The following TULP4 variants were observed in gnomAD, a reference collection of about 807,000 sequenced individuals.
TULP4 encodes the protein TUB like protein 4.
TULP4 carries 16 observed loss-of-function variants against 129.0 expected under a neutral mutation model. That is an observed-to-expected ratio of 0.12 (90% CI 0.08 to 0.19). The LOEUF is 0.19. TULP4 is among the 10% of genes least tolerant of loss of function. The pLI is 1.00. For missense variants in TULP4, 1,842 were observed against 2,059.1 expected, an observed-to-expected ratio of 0.89 and a Z score of 2.04; for synonymous variants, 998 against 854.0, an observed-to-expected ratio of 1.17 and a Z score of -2.94.
chr6:158,420,464 G>C (rs1450856158), intron 2 of TULP4, among the ~76,000 whole-genome samples: 1 of 152,158 alleles, frequency 6.6e-6, no homozygotes, highest in Non-Finnish European at 1.5e-5. Flanking sequence ...GACGAGATAA[G>C]AGATCCCTGT....
intron 1 of TULP4, among the ~76,000 whole-genome samples, chr6:158,256,642 T>C (rs1028096375): frequency 1.3e-5 from 2 of 152,226 alleles, no homozygotes; most frequent in Admixed American, 1.3e-4. Flanking sequence ...CTTATACATA[T>C]GGATATATTA....
At chr6:158,335,101 C>T (rs1780001923) in intron 1 of TULP4, among the ~76,000 whole-genome samples, 1 of 151,912 alleles carries the variant, frequency 6.6e-6, no homozygotes, top group Non-Finnish European at 1.5e-5. Flanking sequence ...CATGGTGAAA[C>T]CCGGTCTCTA....
chr6:158,366,554 G>T (rs1422078058), intron 1 of TULP4, among the ~76,000 whole-genome samples: 4 of 152,212 alleles, frequency 2.6e-5, no homozygotes, highest in Admixed American at 2.6e-4. Flanking sequence ...CATACTCGGA[G>T]CCATTTGCCT....
In TULP4 at chr6:158,503,437, C is replaced by T. The variant is rs762126340; in HGVS notation, c.3774C>T (p.Val1258=). 5.6e-5 allele frequency: 91 copies of T among 1,613,926 alleles called. No individual in the cohort carries two copies. Among genetic ancestry groups the T allele is most frequent in the Non-Finnish European group, 6.9e-5 (81 of 1,180,036 alleles). The stretch of plus-strand genomic sequence containing the variant: ...GCTCTAGTTTACAGCTGCCACCTGT[C>T]GCCTTGCATCCATGGAGTTCCTACA... The part of the protein sequence containing the change: ...STCSSLQLPP[V]ALHPWSSYSA... Residue 1258 remains valine, a synonymous_variant, in exon 13 of 14, where the codon GTC becomes GTT. Transcript: ENST00000367097. The surrounding 1 kb of genome is among the most constrained non-coding windows in gnomAD (Gnocchi z 4.3).
intron 6 of TULP4, among the ~76,000 whole-genome samples, chr6:158,470,119 C>A (rs1336775533): frequency 1.3e-5 from 2 of 152,190 alleles, no homozygotes; most frequent in East Asian, 1.9e-4. Context: ...AGTCACTTAG[C>A]CGTGCAGGAA....
At chr6:158,274,932 T>C (rs1778616796) in intron 1 of TULP4, among the ~76,000 whole-genome samples, 1 of 152,258 alleles carries the variant, frequency 6.6e-6, no homozygotes, top group South Asian at 2.1e-4. Flanking sequence ...CTTTCCTGCC[T>C]CTTGTTAGCC....
At chr6:158,343,213 T>C (rs545192429) in intron 1 of TULP4, among the ~76,000 whole-genome samples, 1 of 152,278 alleles carries the variant, frequency 6.6e-6, no homozygotes, top group African/African-American at 2.4e-5. Flanking sequence ...AGGTTTGCTG[T>C]AGTTCCTGTC....
chr6:158,349,200 C>T (rs537764404), intron 1 of TULP4, among the ~76,000 whole-genome samples: 15 of 147,232 alleles, frequency 1.0e-4, no homozygotes, highest in Non-Finnish European at 6.1e-5. Flanking sequence ...GCGCTCCTCA[C>T]CTCTCAGACG....
chr6:158,407,002 T>C (rs967928303), intron 1 of TULP4, among the ~76,000 whole-genome samples: 1 of 152,224 alleles, frequency 6.6e-6, no homozygotes, highest in African/African-American at 2.4e-5. Flanking sequence ...TCCTGTATTA[T>C]CTCTAGGCCA....
intron 1 of TULP4, among the ~76,000 whole-genome samples, chr6:158,411,385 G>T (rs553645012): frequency 3.9e-5 from 6 of 152,170 alleles, no homozygotes; most frequent in Non-Finnish European, 7.3e-5. Flanking sequence ...GCTATGACTA[G>T]AGCAAGGAAG....
At chr6:158,467,277 C>G in intron 6 of TULP4, among the ~76,000 whole-genome samples, 2 of 140,942 alleles carry the variant, frequency 1.4e-5, no homozygotes, top group Admixed American at 1.4e-4. Context: ...CTTTCCCTTT[C>G]TTTTTTTTTT....
chr6:158,234,343 A>G (rs12199358), intron 1 of TULP4, among the ~76,000 whole-genome samples: 53,281 of 151,732 alleles, frequency 0.35, 9,781 homozygotes, highest in East Asian at 0.53. Flanking sequence ...GTAATGGAAG[A>G]GTCAAGAGAC....
At chr6:158,481,660 C>A in intron 8 of TULP4, 1 of 264,984 alleles carries the variant, frequency 3.8e-6, no homozygotes, top group Non-Finnish European at 7.4e-6. Context: ...AAGATACAGT[C>A]CCTACCCTCC....
Position 158,463,665 on chromosome 6 carries a change from TATAA to T in TULP4, c.1026+1938_1026+1941del, listed in dbSNP as rs1419504509. On this transcript the variant is annotated intron_variant, in intron 6 of 13. Coordinates refer to ENST00000367097, the MANE Select transcript of TULP4 (RefSeq NM_020245.5). ...TATAATAAAAATATATATATATATATATAAAAAGAAAAAATAAATGGAATAGACT... is the reference window on the plus strand; with the variant it reads ...TATAATAAAAATATATATATATATATAAAGAAAAAATAAATGGAATAGACT... 4.3e-5 allele frequency among the ~76,000 whole-genome samples: 5 copies of T among 116,956 alleles called. No homozygotes were observed. The East Asian group carries it at 9.4e-4, about 22-fold the overall frequency. 76.7% of individuals were successfully genotyped at this position (116,956 alleles called of 152,430 possible).
intron 1 of TULP4, among the ~76,000 whole-genome samples, chr6:158,370,846 G>A (rs1777055442): frequency 6.6e-6 from 1 of 152,192 alleles, no homozygotes; most frequent in South Asian, 2.1e-4. Flanking sequence ...TCTGACATTA[G>A]GCAGTTTATT....
At chr6:158,332,200 A>AT (rs1220293865) in intron 1 of TULP4, among the ~76,000 whole-genome samples, 2 of 18,018 alleles carry the variant, frequency 1.1e-4, no homozygotes, top group Non-Finnish European at 1.0e-4. Context: ...AAAAAAAAAA[A>AT]ATATATATAT....
At chr6:158,444,000 A>G (rs927420317) in intron 3 of TULP4, among the ~76,000 whole-genome samples, 4 of 151,970 alleles carry the variant, frequency 2.6e-5, no homozygotes, top group South Asian at 2.1e-4. Context: ...TGGGCGGATC[A>G]CAAGGTCAGG....
At chr6:158,300,560 A>C (rs907963247) in intron 1 of TULP4, among the ~76,000 whole-genome samples, 1 of 152,224 alleles carries the variant, frequency 6.6e-6, no homozygotes, top group African/African-American at 2.4e-5. Flanking sequence ...TAAATAAATC[A>C]AAAGCCTTAC....
intron 1 of TULP4, among the ~76,000 whole-genome samples, chr6:158,234,589 G>A (rs56387510): frequency 0.35 from 53,568 of 152,058 alleles, 9,968 homozygotes; most frequent in East Asian, 0.54. Context: ...GAGTGGCTCA[G>A]CTATGCATGT....
Sources: gnomAD v4.1 joint callset for allele counts (sites outside exome capture counted in the v4.1 genomes callset) on GRCh38, gnomAD v4.1.1 for gene constraint, Gnocchi (gnomAD v3.1) non-coding constraint, MANE v1.5 for transcripts, NCBI Gene and HGNC (gene_info 2026-07-23, HGNC 2026-07-21) for gene names.